The following ROR1 variants were observed in gnomAD, a reference collection of about 807,000 sequenced individuals.
ROR1 encodes ROR family WNT receptor 1.
Under a neutral mutation model 78.8 loss-of-function variants are expected in ROR1, and 19 were observed. That is an observed-to-expected ratio of 0.24 (90% CI 0.17 to 0.35). The LOEUF is 0.35. ROR1 is among the 10% of genes least tolerant of loss of function. The pLI is 1.00. For missense variants in ROR1, 917 were observed against 1,177.8 expected, an observed-to-expected ratio of 0.78 and a Z score of 3.24; for synonymous variants, 386 against 433.6, an observed-to-expected ratio of 0.89 and a Z score of 1.36.
At chr1:64,126,947 A>G (rs78043349) in intron 4 of ROR1, among the ~76,000 whole-genome samples, 5 of 152,180 alleles carry the variant, frequency 3.3e-5, no homozygotes, top group Non-Finnish European at 5.9e-5. Flanking sequence ...TCCTCTAAAA[A>G]TCCTTCTTCA....
At chr1:64,112,398 G>A (rs1224638229) in intron 4 of ROR1, among the ~76,000 whole-genome samples, 1 of 152,134 alleles carries the variant, frequency 6.6e-6, no homozygotes, top group Non-Finnish European at 1.5e-5. Context: ...AAGTCACATA[G>A]CTAGTAAGTG....
intron 1 of ROR1, among the ~76,000 whole-genome samples, chr1:64,001,204 A>G (rs1646380382): frequency 6.6e-6 from 1 of 152,258 alleles, no homozygotes; most frequent in Admixed American, 6.5e-5. Context: ...GATGAATCTC[A>G]AGGGCATTAT....
At chr1:64,159,705 A>C (rs570043451) in intron 8 of ROR1, among the ~76,000 whole-genome samples, 1 of 152,114 alleles carries the variant, frequency 6.6e-6, no homozygotes, top group Non-Finnish European at 1.5e-5. Flanking sequence ...AATCCTTTGT[A>C]TGCCTAACTT....
At chr1:64,164,614 T>A (rs940426545) in intron 8 of ROR1, among the ~76,000 whole-genome samples, 1 of 152,154 alleles carries the variant, frequency 6.6e-6, no homozygotes, top group Non-Finnish European at 1.5e-5. Context: ...AACTTTTATT[T>A]TAAGTTAAGG....
chr1:64,019,088 G>A (rs1210994082), intron 2 of ROR1, among the ~76,000 whole-genome samples: 3 of 152,140 alleles, frequency 2.0e-5, no homozygotes, highest in African/African-American at 7.2e-5. Context: ...TATTGGTCTG[G>A]TGTATAGCCT....
At chr1:63,947,664 C>T (rs1294561741) in intron 1 of ROR1, among the ~76,000 whole-genome samples, 1 of 151,986 alleles carries the variant, frequency 6.6e-6, no homozygotes, top group South Asian at 2.1e-4. Flanking sequence ...GAGCTGGTGT[C>T]AGCTAGAAGA....
intron 2 of ROR1, among the ~76,000 whole-genome samples, chr1:64,010,089 C>T (rs12061816): frequency 0.043 from 6,524 of 152,222 alleles, 495 homozygotes; most frequent in African/African-American, 0.15. Flanking sequence ...TCTGCTCTCA[C>T]CTTTTCACCT....
At chr1:64,079,482 T>C (rs1569700387) in intron 4 of ROR1, among the ~76,000 whole-genome samples, 2 of 151,438 alleles carry the variant, frequency 1.3e-5, no homozygotes, top group Non-Finnish European at 2.9e-5. Context: ...TTTTTTTTTT[T>C]CTTTTTTGGA....
rs1408030276 is a variant in ROR1, at chr1:64,178,007, A to G, written c.1966A>G (p.Ile656Val). The change falls in exon 9 of 9, where the codon ATT (isoleucine) becomes GTT (valine). Residue 656 changes from isoleucine to valine, a missense_variant. By Grantham distance (29) the Ile-to-Val change is conservative. Transcript: ENST00000371079. This position sits in a 1 kb window ranked among gnomAD's most constrained non-coding sequence, Gnocchi z 4.3. The part of the protein sequence containing the change: ...YRVQSKSLLP[I>V]RWMPPEAIMY... Reference sequence around the variant, plus strand: ...GGTCCAGAGTAAGTCCTTGCTGCCCATTCGCTGGATGCCCCCTGAAGCCAT... The same window carrying G: ...GGTCCAGAGTAAGTCCTTGCTGCCCGTTCGCTGGATGCCCCCTGAAGCCAT... 3 of 1,614,200 alleles carry G rather than the reference A, an allele frequency of 1.9e-6. No homozygotes were observed. Among genetic ancestry groups the G allele is most frequent in the Non-Finnish European group, 2.5e-6 (3 of 1,180,036 alleles).
chr1:63,910,231 A>G (rs929976241), intron 1 of ROR1, among the ~76,000 whole-genome samples: 1 of 152,218 alleles, frequency 6.6e-6, no homozygotes, highest in African/African-American at 2.4e-5. Flanking sequence ...AGCTAAGTCA[A>G]TTATGGTGAG....
chr1:63,998,325 C>G (rs1646355318), intron 1 of ROR1, among the ~76,000 whole-genome samples: 1 of 150,472 alleles, frequency 6.6e-6, no homozygotes, highest in African/African-American at 2.4e-5. Flanking sequence ...AACTGAGTAT[C>G]ATTGAATTAG....
chr1:63,868,973 C>T (rs1264036330), intron 1 of ROR1, among the ~76,000 whole-genome samples: 5 of 152,204 alleles, frequency 3.3e-5, no homozygotes, highest in African/African-American at 1.2e-4. Flanking sequence ...CCAGTGCCAA[C>T]AGTTGTGTAT....
intron 4 of ROR1, among the ~76,000 whole-genome samples, chr1:64,096,953 G>A (rs1255613739): frequency 6.6e-6 from 1 of 151,316 alleles, no homozygotes; most frequent in African/African-American, 2.4e-5. Context: ...TCTTGATGAT[G>A]ATAATGATGA....
chr1:63,940,766 T>C (rs1175557381), intron 1 of ROR1, among the ~76,000 whole-genome samples: 1 of 152,162 alleles, frequency 6.6e-6, no homozygotes, highest in Non-Finnish European at 1.5e-5. Context: ...ATATTGCTTA[T>C]TGGCTAAGAC....
intron 1 of ROR1, among the ~76,000 whole-genome samples, chr1:63,809,720 C>T (rs760264147): frequency 1.1e-4 from 17 of 152,168 alleles, no homozygotes; most frequent in Non-Finnish European, 2.2e-4. Context: ...TATGTCACTT[C>T]AGGCAAGGGG....
intron 1 of ROR1, among the ~76,000 whole-genome samples, chr1:63,866,958 A>G (rs1557535115): frequency 6.6e-6 from 1 of 152,246 alleles, no homozygotes; most frequent in Admixed American, 6.5e-5. Flanking sequence ...ATGAAATCAG[A>G]TAACATAGAT....
At chr1:63,890,264 A>G (rs1348217752) in intron 1 of ROR1, among the ~76,000 whole-genome samples, 1 of 150,490 alleles carries the variant, frequency 6.6e-6, no homozygotes, top group African/African-American at 2.4e-5. Flanking sequence ...TTTTATAGAA[A>G]CAGGAAAATG....
At chr1:63,778,875 G>T (rs1431226394) in intron 1 of ROR1, among the ~76,000 whole-genome samples, 1 of 152,208 alleles carries the variant, frequency 6.6e-6, no homozygotes, top group Non-Finnish European at 1.5e-5. Context: ...TACCTTAGTG[G>T]CTGTCCTAGA....
Position 64,051,483 on chromosome 1 carries a change from A to G in ROR1, c.482+767A>G, listed in dbSNP as rs1041362978. Among the ~76,000 whole-genome samples, 4 of 149,842 alleles carry G rather than the reference A, an allele frequency of 2.7e-5. No homozygotes were observed. The East Asian group carries it at 7.8e-4, about 29-fold the overall frequency. On this transcript the variant is annotated intron_variant, in intron 4 of 8. Coordinates refer to ENST00000371079, the MANE Select transcript of ROR1 (RefSeq NM_005012.4). ...AAAATAAAATAAAATAAAATAAAAT[A>G]AAATAAAATAAAATAAAAAAGCTGA...
Sources: gnomAD v4.1 joint callset for allele counts (sites outside exome capture counted in the v4.1 genomes callset) on GRCh38, gnomAD v4.1.1 for gene constraint, Gnocchi (gnomAD v3.1) non-coding constraint, MANE v1.5 for transcripts, NCBI Gene and HGNC (gene_info 2026-07-23, HGNC 2026-07-21) for gene names.